The following ANLN variants were observed in gnomAD, a reference collection of about 807,000 sequenced individuals.
The protein encoded by ANLN is anillin, actin binding protein.
ANLN carries 59 observed loss-of-function variants against 135.1 expected under a neutral mutation model. The ratio of observed to expected loss-of-function variants is 0.44; its 90% confidence interval spans 0.35 to 0.54. The LOEUF (loss-of-function observed/expected upper bound fraction) is 0.54, where lower values mean the gene tolerates loss of function less well. Ranked by LOEUF, ANLN falls within the 20% of genes least tolerant of loss-of-function variation. ANLN has a pLI of 0.00. For synonymous variants in ANLN, 406 were observed against 456.4 expected, an observed-to-expected ratio of 0.89 and a Z score of 1.41; for missense variants, 1,182 against 1,340.0, an observed-to-expected ratio of 0.88 and a Z score of 1.84.
chr7:36,422,444 A>C (rs1182565363), intron 13 of ANLN, among the ~76,000 whole-genome samples, 189 bp from the exon 14 acceptor site: 1 of 152,146 alleles, frequency 6.6e-6, no homozygotes, highest in African/African-American at 2.4e-5. Flanking sequence ...TGATGTATTA[A>C]ATTATAAGGA....
rs1352135211 is a variant in ANLN, at chr7:36,423,860, T to A, written c.2520T>A (p.Ala840=). 2 of 1,612,216 alleles carry A rather than the reference T, an allele frequency of 1.2e-6. No homozygotes were observed. The highest frequency in any genetic ancestry group is 2.7e-5 in the African/African-American group (2 of 74,862). The part of the protein sequence containing the change: ...YYYLIILKAG[A]ENMVATPLAS... ...ACTTAATTATACTAAAAGCAGGAGC[T>A]GAAAATATGGTAGCCACACCATTAG... Residue 840 remains alanine (A), a synonymous_variant, in exon 15 of 24, where the codon GCT becomes GCA. Coordinates refer to ENST00000265748, the MANE Select transcript of ANLN (RefSeq NM_018685.5).
rs1787894760 is a variant in ANLN at position 36,421,971 on chromosome 7, GA to G, written c.2281del (p.Arg761AspfsTer4). On this transcript the variant is annotated frameshift_variant, in exon 13 of 24. Transcript: ENST00000265748. LOFTEE classifies it high-confidence loss of function. ...AGGGTCCCTAGAAGAAGCTGAAGCA[GA>G]AAGACTTCTTCTAATTGCAAGTAAG... ...GKGSLEEAEA[E>X]RLLLIATGKR... The G allele has an allele frequency of 6.2e-7, 1 of 1,613,216 alleles. No individual in the cohort carries two copies. The highest frequency in any genetic ancestry group is 1.3e-5 in the African/African-American group (1 of 74,866).
chr7:36,390,153 T>A, intron 1 of ANLN, 109 bp downstream of exon 1: 3 of 1,577,278 alleles, frequency 1.9e-6, no homozygotes, highest in Non-Finnish European at 2.6e-6. Flanking sequence ...GGCGCGTGTG[T>A]GCGCGCGTGC....
rs1338611365 is a variant in ANLN at position 36,407,947 on chromosome 7, A to T, written c.1087A>T (p.Thr363Ser). 1.9e-6 allele frequency: 3 copies of T among 1,612,166 alleles called. No individual in the cohort carries two copies. The highest frequency in any genetic ancestry group is 1.7e-6 in the Non-Finnish European group (2 of 1,178,692). The change falls in exon 5 of 24, where the codon ACG becomes TCG. Residue 363 changes from threonine to serine, a missense_variant. Coordinates refer to ENST00000265748, the MANE Select transcript of ANLN (RefSeq NM_018685.5). ...CLQSQSKDKS[T>S]TPGGTGIKPF... ...GCAATCTCAATCTAAAGACAAATCT[A>T]CGACACCAGGTTACGTATTTATAAA...
intron 7 of ANLN, among the ~76,000 whole-genome samples, chr7:36,411,796 C>A (rs1030753507): frequency 1.3e-5 from 2 of 152,176 alleles, no homozygotes; most frequent in African/African-American, 4.8e-5. Context: ...TGTTTTTTAT[C>A]AGTTCACTTG....
chr7:36,421,750 C>A, intron 12 of ANLN, 107 bp from the exon 13 acceptor site: 1 of 1,073,372 alleles, frequency 9.3e-7, no homozygotes, highest in Non-Finnish European at 1.3e-6. Flanking sequence ...TGACTTTCAT[C>A]TGGAAATTCT....
chr7:36,427,599 C>T (rs1788139854), intron 20 of ANLN, among the ~76,000 whole-genome samples: 1 of 152,208 alleles, frequency 6.6e-6, no homozygotes, highest in Non-Finnish European at 1.5e-5. Context: ...GGCCATCTGT[C>T]TGCCTTGGCC....
chr7:36,445,824 C>A (rs1040223920), intron 22 of ANLN, among the ~76,000 whole-genome samples: 1 of 152,210 alleles, frequency 6.6e-6, no homozygotes, highest in African/African-American at 2.4e-5. Flanking sequence ...GTACGATTTT[C>A]CATTCCCACC....
At chr7:36,396,510 C>T (rs1319246114) in intron 2 of ANLN, 91 bp downstream of exon 2, 1 of 1,308,740 alleles carries the variant, frequency 7.6e-7, no homozygotes, top group African/African-American at 1.5e-5. Flanking sequence ...ATAGAAGAAC[C>T]AAGCTCTTTG....
intron 20 of ANLN, among the ~76,000 whole-genome samples, chr7:36,427,886 T>C (rs1788152487): frequency 2.0e-5 from 3 of 152,230 alleles, no homozygotes; most frequent in Admixed American, 2.0e-4. Context: ...AGGCAAATTT[T>C]ATTTCTTGGG....
At chr7:36,439,075 A>G (rs367665647) in intron 20 of ANLN, 129 bp from the exon 21 acceptor site, 1 of 700,546 alleles carries the variant, frequency 1.4e-6, no homozygotes, top group Non-Finnish European at 2.5e-6. Flanking sequence ...CATGTCTTTT[A>G]TACTCCAACT....
chr7:36,398,253 G>T (rs1050412257), intron 2 of ANLN, among the ~76,000 whole-genome samples: 1 of 151,188 alleles, frequency 6.6e-6, no homozygotes, highest in East Asian at 1.9e-4. Flanking sequence ...TTAAATATTT[G>T]TACTGGTGAA....
chr7:36,431,597 G>A (rs368883153), intron 20 of ANLN, among the ~76,000 whole-genome samples: 1,963 of 26,834 alleles, frequency 0.073, 23 homozygotes, highest in East Asian at 0.12. Flanking sequence ...GTGTGTGTGT[G>A]TATATATATA....
intron 12 of ANLN, among the ~76,000 whole-genome samples, chr7:36,421,546 G>A (rs1421884899): frequency 6.6e-6 from 1 of 151,908 alleles, no homozygotes; most frequent in Non-Finnish European, 1.5e-5. Flanking sequence ...AAAAAACAGT[G>A]TAATTGTAAT....
intron 17 of ANLN, among the ~76,000 whole-genome samples, chr7:36,425,262 T>C (rs552477782): frequency 6.6e-6 from 1 of 152,022 alleles, no homozygotes; most frequent in South Asian, 2.1e-4. Context: ...CAAGGACTCA[T>C]GTGTAATGTA....
At position 36,425,997 on chromosome 7, in the gene ANLN, C is replaced by CTTT. The variant is rs200742993; in HGVS notation, c.2749-5_2749-3dup. On this transcript the variant is annotated splice_polypyrimidine_tract_variant and intron_variant, in intron 18 of 23. Coordinates refer to ENST00000265748, the MANE Select transcript of ANLN (RefSeq NM_018685.5). ...AATAACTTATGTTTCTTCTTCACAC[C>CTTT]TTTTTTTTTTTTTTTAGAAAAGCAA... is the stretch of plus-strand genomic sequence containing the variant. 96 of 1,349,764 alleles carry CTTT rather than the reference C, an allele frequency of 7.1e-5. No homozygotes were observed. The highest frequency in any genetic ancestry group is 4.2e-4 in the South Asian group (28 of 67,150). The allele number at this position is 1,349,764 out of a possible 1,614,324, so 83.6% of individuals were successfully genotyped here. A position where few individuals can be genotyped will look rare whatever the true frequency, so the allele number is the denominator to read the frequency against.
intron 9 of ANLN, 24 bp downstream of exon 9, chr7:36,417,214 T>C: frequency 7.5e-7 from 1 of 1,340,140 alleles, no homozygotes; most frequent in Non-Finnish European, 1.1e-6. Flanking sequence ...CTTTATTTAT[T>C]ATTAACTTTG....
intron 10 of ANLN, among the ~76,000 whole-genome samples, 177 bp downstream of exon 10, chr7:36,419,656 T>G (rs566324279): frequency 6.6e-6 from 1 of 152,344 alleles, no homozygotes; most frequent in South Asian, 2.1e-4. Flanking sequence ...CCTTTTGACC[T>G]TAGATGAAAT....
intron 20 of ANLN, among the ~76,000 whole-genome samples, chr7:36,435,847 T>A (rs1788520214): frequency 9.5e-6 from 1 of 104,868 alleles, no homozygotes; most frequent in Non-Finnish European, 1.7e-5. Flanking sequence ...CACTCCAGCC[T>A]GGGCGACAGA....
Sources: gnomAD v4.1 joint callset for allele counts (sites outside exome capture counted in the v4.1 genomes callset) on GRCh38, gnomAD v4.1.1 for gene constraint, MANE v1.5 for transcripts, NCBI Gene and HGNC (gene_info 2026-07-23, HGNC 2026-07-21) for gene names.